The following CACNA2D1 variants were observed in gnomAD, a reference collection of about 807,000 sequenced individuals.
The protein encoded by CACNA2D1 is voltage-dependent calcium channel subunit alpha-2/delta-1.
In CACNA2D1, 53 loss-of-function variants were observed where a neutral mutation model predicts 171.5. That is an observed-to-expected ratio of 0.31 (90% CI 0.25 to 0.39). The LOEUF is 0.39. Among genes scored for constraint, CACNA2D1 ranks in the 10% least tolerant of loss-of-function variants. CACNA2D1 has a pLI of 1.00. For synonymous variants in CACNA2D1, 442 were observed against 443.1 expected (o/e 1.00, Z 0.03); for missense variants, 903 against 1,299.8 (o/e 0.69, Z 4.69).
intron 4 of CACNA2D1, among the ~76,000 whole-genome samples, chr7:82,163,903 G>A (rs907945279): frequency 2.0e-5 from 3 of 151,970 alleles, no homozygotes; most frequent in Non-Finnish European, 4.4e-5. Context: ...TAGAAGCAGA[G>A]AAAGACAATT....
At chr7:82,026,162 C>T (rs927438508) in intron 12 of CACNA2D1, among the ~76,000 whole-genome samples, 19 of 150,978 alleles carry the variant, frequency 1.3e-4, no homozygotes, top group African/African-American at 4.1e-4. Context: ...CACTTTTAGC[C>T]TATGTGTGTC....
chr7:82,026,748 C>A (rs1232355267), intron 12 of CACNA2D1, among the ~76,000 whole-genome samples: 1 of 151,606 alleles, frequency 6.6e-6, no homozygotes, highest in East Asian at 1.9e-4. Context: ...ACATTTGAAG[C>A]CATATTTGAA....
At chr7:82,385,142 G>A (rs1414448183) in intron 1 of CACNA2D1, among the ~76,000 whole-genome samples, 2 of 152,132 alleles carry the variant, frequency 1.3e-5, no homozygotes, top group Non-Finnish European at 2.9e-5. Context: ...AGCTACTGGA[G>A]GAGCACGATT....
intron 18 of CACNA2D1, among the ~76,000 whole-genome samples, chr7:82,002,042 AAG>A (rs1209791097): frequency 6.4e-5 from 9 of 140,914 alleles, no homozygotes; most frequent in African/African-American, 1.1e-4. Context: ...AAAAAAAAAA[AAG>A]AGAGAGAGAG....
intron 1 of CACNA2D1, among the ~76,000 whole-genome samples, chr7:82,434,350 T>C (rs1829945479): frequency 6.6e-6 from 1 of 152,222 alleles, no homozygotes; most frequent in African/African-American, 2.4e-5. Flanking sequence ...TCTTAACTTT[T>C]ATTTTTAAGT....
chr7:82,183,386 T>C (rs1797346360), intron 3 of CACNA2D1, among the ~76,000 whole-genome samples: 1 of 152,142 alleles, frequency 6.6e-6, no homozygotes, highest in Non-Finnish European at 1.5e-5. Flanking sequence ...GTCCCAATAA[T>C]ACATGGTAAC....
intron 12 of CACNA2D1, among the ~76,000 whole-genome samples, chr7:82,024,519 G>C (rs1246303866): frequency 1.3e-5 from 2 of 151,584 alleles, no homozygotes; most frequent in Non-Finnish European, 3.0e-5. Flanking sequence ...TGAGTTGTAG[G>C]AGTTATTTTC....
intron 38 of CACNA2D1, among the ~76,000 whole-genome samples, chr7:81,952,097 T>G (rs1210988460): frequency 6.6e-6 from 1 of 151,192 alleles, no homozygotes; most frequent in African/African-American, 2.4e-5. Context: ...TGTTGAGCAA[T>G]TTTTCATATG....
intron 4 of CACNA2D1, among the ~76,000 whole-genome samples, chr7:82,148,554 A>C (rs569262071): frequency 1.3e-4 from 20 of 152,198 alleles, no homozygotes; most frequent in Non-Finnish European, 2.6e-4. Context: ...TTCATTATTA[A>C]GTAAAATAAA....
chr7:82,196,145 T>G (rs1798832263), intron 3 of CACNA2D1, among the ~76,000 whole-genome samples: 1 of 152,032 alleles, frequency 6.6e-6, no homozygotes, highest in Admixed American at 6.6e-5. Context: ...ATTACATAGC[T>G]TCAAAGTAGA....
chr7:82,153,127 T>C (rs534801203), intron 4 of CACNA2D1, among the ~76,000 whole-genome samples: 1 of 150,726 alleles, frequency 6.6e-6, no homozygotes, highest in East Asian at 1.9e-4. Context: ...CTATTCTTAA[T>C]GTCAAAGGTA....
intron 7 of CACNA2D1, among the ~76,000 whole-genome samples, chr7:82,081,472 T>G (rs527382260): frequency 6.6e-6 from 1 of 152,200 alleles, no homozygotes; most frequent in Non-Finnish European, 1.5e-5. Context: ...CAGTAACAGA[T>G]TCACTAAACT....
intron 2 of CACNA2D1, among the ~76,000 whole-genome samples, chr7:82,347,648 T>G (rs559940343): frequency 5.3e-5 from 8 of 152,218 alleles, no homozygotes; most frequent in African/African-American, 1.9e-4. Flanking sequence ...ATGACACTCT[T>G]TGTGTGCCCT....
chr7:82,108,537 A>G (rs1788009648), intron 6 of CACNA2D1, among the ~76,000 whole-genome samples: 2 of 152,176 alleles, frequency 1.3e-5, no homozygotes, highest in South Asian at 4.1e-4. Context: ...AACACAATTC[A>G]GTCTAAAGCA....
At chr7:82,270,342 T>TAACAC (rs1300564947) in intron 3 of CACNA2D1, among the ~76,000 whole-genome samples, 1 of 152,192 alleles carries the variant, frequency 6.6e-6, no homozygotes, top group African/African-American at 2.4e-5. Flanking sequence ...TTGAATCATA[T>TAACAC]AACACGTAGT....
intron 4 of CACNA2D1, among the ~76,000 whole-genome samples, chr7:82,154,657 T>A (rs1794196590): frequency 6.6e-6 from 1 of 151,920 alleles, no homozygotes; most frequent in Non-Finnish European, 1.5e-5. Flanking sequence ...TGAAGAAGAG[T>A]ATTGTACTGA....
chr7:82,146,757 C>T (rs1363590724), intron 4 of CACNA2D1, among the ~76,000 whole-genome samples: 2 of 150,662 alleles, frequency 1.3e-5, no homozygotes, highest in Non-Finnish European at 3.0e-5. Flanking sequence ...GAGGCCGAGG[C>T]GGGTAGATCA....
intron 1 of CACNA2D1, among the ~76,000 whole-genome samples, chr7:82,370,682 G>C (rs1822306362): frequency 6.6e-6 from 1 of 151,616 alleles, no homozygotes; most frequent in African/African-American, 2.4e-5. Context: ...TTTTCAAAGT[G>C]AAAAATACCT....
In CACNA2D1 at chr7:82,217,349, T is replaced by TAA. The variant is rs139578464; in HGVS notation, c.295-46742_295-46741dup. Among the ~76,000 whole-genome samples, 583 of 122,642 alleles carry TAA rather than the reference T, an allele frequency of 4.8e-3. 12 individuals are homozygous for TAA. The East Asian group carries it at 0.071, about 15-fold the overall frequency. 80.5% of individuals were successfully genotyped at this position (122,642 alleles called of 152,430 possible). The stretch of plus-strand genomic sequence containing the variant: ...TGATGTCTGTTGCATCCTGCCTTTT[T>TAA]AAAAAAAAAATATATATATACACAC... On this transcript the variant is annotated intron_variant, in intron 3 of 38. Transcript: ENST00000356860.
Sources: gnomAD v4.1 joint callset for allele counts (sites outside exome capture counted in the v4.1 genomes callset) on GRCh38, gnomAD v4.1.1 for gene constraint, MANE v1.5 for transcripts, NCBI Gene and HGNC (gene_info 2026-07-23, HGNC 2026-07-21) for gene names.